BCAM: variants seen among roughly 807,000 people sequenced by gnomAD.
The protein encoded by BCAM is basal cell adhesion molecule.
In BCAM, 61 loss-of-function variants were observed where a neutral mutation model predicts 72.4. The ratio of observed to expected loss-of-function variants is 0.84; its 90% CI spans 0.69 to 1.04. BCAM has a LOEUF of 1.04. BCAM is among the 50% of genes least tolerant of loss of function. The pLI is 0.00. For synonymous variants in BCAM, 408 were observed against 384.2 expected, an observed-to-expected ratio of 1.06 and a Z score of -0.73; for missense variants, 909 against 895.0, an observed-to-expected ratio of 1.02 and a Z score of -0.20.
At position 44,813,336 on chromosome 19, in the gene BCAM, G is replaced by A; in HGVS notation, c.591G>A (p.Glu197=). ...GGCAGCGCCTGGAGGTGCCCGTAGA[G>A]ATGAACCCAGGTGAGCAGCGCAGGA... ...RNGQRLEVPV[E]MNPEGYMTSR... is the part of the protein sequence containing the mutation. Residue 197 remains glutamate (E), a synonymous_variant, in exon 5 of 15, where the codon GAG becomes GAA. Transcript: ENST00000270233. This position sits in a 1 kb window ranked among gnomAD's most constrained non-coding sequence, Gnocchi z 4.2. 2 of 1,613,918 alleles carry A rather than the reference G, an allele frequency of 1.2e-6. No homozygotes were observed. Among genetic ancestry groups the A allele is most frequent in the South Asian group, 1.1e-5 (1 of 91,076 alleles).
chr19:44,820,124 C>T, intron 13 of BCAM: 1 of 1,057,598 alleles, frequency 9.5e-7, no homozygotes, highest in African/African-American at 1.7e-5. Flanking sequence ...CCCTTCAAAC[C>T]ATCCTCAACT....
At position 44,820,909 on chromosome 19, in the gene BCAM, T is replaced by C; in HGVS notation, c.1882-7T>C. 6.4e-7 allele frequency: 1 copy of C among 1,560,226 alleles called. No homozygotes were observed. ...GGCACAGGCTGACCTCTCCATCCGC[T>C]CCCCAGTGCTGAGCCAAGAACCTCC... On this transcript the variant is annotated splice_polypyrimidine_tract_variant and splice_region_variant and intron_variant, in intron 14 of 14. Transcript: ENST00000270233.
At position 44,813,784 on chromosome 19, in the gene BCAM, C is replaced by A; in HGVS notation, c.784+164C>A. 9.7e-7 allele frequency: 1 copy of A among 1,031,954 alleles called. No individual in the cohort carries two copies. 63.9% of individuals were successfully genotyped at this position (1,031,954 alleles called of 1,614,324 possible). Reference sequence around the variant, plus strand: ...CCACTGACCTCTGACCTCAATTGGTCGCACAAGCCCCATCCTGACCTCTGA... The same window carrying A: ...CCACTGACCTCTGACCTCAATTGGTAGCACAAGCCCCATCCTGACCTCTGA... On this transcript the variant is annotated intron_variant, in intron 6 of 14. Transcript: ENST00000270233. This position sits in a 1 kb window ranked among gnomAD's most constrained non-coding sequence, Gnocchi z 4.2.
chr19:44,816,854 G>A (rs993928493), intron 8 of BCAM, among the ~76,000 whole-genome samples: 5 of 152,076 alleles, frequency 3.3e-5, no homozygotes, highest in African/African-American at 1.2e-4. Flanking sequence ...CAGGAGAATC[G>A]CTTGATCCTG....
In BCAM at chr19:44,811,672, G is replaced by A. The variant is rs377176640; in HGVS notation, c.204+326G>A. ...GAGGCCGAGGCGGGTGGATCACGAG[G>A]TCAAGAGATCAAGACTGTCCTGACC... On this transcript the variant is annotated intron_variant, in intron 2 of 14. Transcript: ENST00000270233. 249 of 339,472 alleles carry A rather than the reference G, an allele frequency of 7.3e-4. 1 individual carries two copies. Among genetic ancestry groups the A allele is most frequent in the African/African-American group, 5.0e-3 (237 of 47,180 alleles). 21.0% of individuals were successfully genotyped at this position (339,472 alleles called of 1,614,324 possible).
In BCAM at chr19:44,813,439, G is replaced by C. The variant is rs1453488240; in HGVS notation, c.603G>C (p.Glu201Asp). The C allele has an allele frequency of 5.0e-6, 8 of 1,610,660 alleles. No homozygotes were observed. The highest frequency in any genetic ancestry group is 6.8e-6 in the Non-Finnish European group (8 of 1,179,180). The part of the protein sequence containing the change: ...RLEVPVEMNP[E>D]GYMTSRTVRE... Reference sequence around the variant, plus strand: ...GCCACCTCCCCCGATCTCTCCCAGAGGGCTACATGACCAGCCGCACGGTCC... The same window carrying C: ...GCCACCTCCCCCGATCTCTCCCAGACGGCTACATGACCAGCCGCACGGTCC... The change falls in exon 6 of 15, where the codon GAG (glutamate) becomes GAC (aspartate). Residue 201 changes from glutamate to aspartate, a missense_variant and splice_region_variant. Coordinates refer to ENST00000270233, the MANE Select transcript of BCAM (RefSeq NM_005581.5). This position sits in a 1 kb window ranked among gnomAD's most constrained non-coding sequence, Gnocchi z 4.2.
chr19:44,814,898 T>A lies in BCAM; in HGVS notation c.1078+138T>A, dbSNP rs1157008477. 9.2e-7 allele frequency: 1 copy of A among 1,084,418 alleles called. No homozygotes were observed. The highest frequency in any genetic ancestry group is 1.2e-6 in the Non-Finnish European group (1 of 827,274). The allele number at this position is 1,084,418 out of a possible 1,614,324, so 67.2% of individuals were successfully genotyped here. ...CCCTTTCTCTGCATTTCTTGGGGGT[T>A]TTTTTGGTTGTTTTTTTTTTTTTTT... is the stretch of plus-strand genomic sequence containing the variant. On this transcript the variant is annotated intron_variant, in intron 8 of 14. Coordinates refer to ENST00000270233, the MANE Select transcript of BCAM (RefSeq NM_005581.5). The surrounding 1 kb of genome is among the most constrained non-coding windows in gnomAD (Gnocchi z 4.6).
Position 44,811,227 on chromosome 19 carries a change from GCC to G in BCAM, c.87_88del (p.Gln30GlyfsTer52). ...LAVLLAAHPD[A>X]QAEVRLSVPP... The stretch of plus-strand genomic sequence containing the variant: ...ATAGCTCAGTTGCTCTCTTGCAGAT[GCC>G]CAGGCGGAGGTGCGCTTGTCTGTAC... On this transcript the variant is annotated frameshift_variant, in exon 2 of 15. Transcript: ENST00000270233. LOFTEE classifies it high-confidence loss of function. 6.2e-7 allele frequency: 1 copy of G among 1,611,996 alleles called. No homozygotes were observed.
chr19:44,821,307 T>TCCCCCCCCTCACCCCGCC lies in BCAM; in HGVS notation c.*389_*406dup, dbSNP rs1968589273. On this transcript the variant is annotated 3_prime_UTR_variant, in exon 15 of 15. Transcript: ENST00000270233. ...CTTGCTGCAGAGTCTGACACTGGATTCCCCCCCCTCACCCCGCCCCTGGTC... is the reference window on the plus strand; with the variant it reads ...CTTGCTGCAGAGTCTGACACTGGATTCCCCCCCCTCACCCCGCCCCCCCCCCTCACCCCGCCCCTGGTC... 1 of 194,836 alleles carries TCCCCCCCCTCACCCCGCC rather than the reference T, an allele frequency of 5.1e-6. No homozygotes were observed. Among genetic ancestry groups the TCCCCCCCCTCACCCCGCC allele is most frequent in the Non-Finnish European group, 1.0e-5 (1 of 98,544 alleles). 12.1% of individuals were successfully genotyped at this position (194,836 alleles called of 1,614,324 possible).
At position 44,814,909 on chromosome 19, in the gene BCAM, T is replaced by TG; in HGVS notation, c.1078+149_1078+150insG. ...CATTTCTTGGGGGTTTTTTTGGTTG[T>TG]TTTTTTTTTTTTTTTTTTCCCAGAG... On this transcript the variant is annotated intron_variant, in intron 8 of 14. Transcript: ENST00000270233. The surrounding 1 kb of genome is among the most constrained non-coding windows in gnomAD (Gnocchi z 4.6). 6 of 260,838 alleles carry TG rather than the reference T, an allele frequency of 2.3e-5. No individual in the cohort carries two copies. The highest frequency in any genetic ancestry group is 3.0e-5 in the Non-Finnish European group (5 of 169,370). The allele number at this position is 260,838 out of a possible 1,614,324, so 16.2% of individuals were successfully genotyped here. A position where few individuals can be genotyped will look rare whatever the true frequency, so the allele number is the denominator to read the frequency against.
At chr19:44,817,262 C>T (rs1308572715) in intron 8 of BCAM, among the ~76,000 whole-genome samples, 1 of 152,104 alleles carries the variant, frequency 6.6e-6, no homozygotes, top group Non-Finnish European at 1.5e-5. Context: ...AGAAGAAATG[C>T]AGAGAGCTAC....
rs1189823468 is a variant in BCAM, at chr19:44,813,651, C to G, written c.784+31C>G. Reference sequence around the variant, plus strand: ...TCTGTGCTGGCCTTTGACCTCTGACCTCAGGCTCCACACCTCATGAGGCCT... The same window carrying G: ...TCTGTGCTGGCCTTTGACCTCTGACGTCAGGCTCCACACCTCATGAGGCCT... On this transcript the variant is annotated intron_variant, in intron 6 of 14. Transcript: ENST00000270233. The surrounding 1 kb of genome is among the most constrained non-coding windows in gnomAD (Gnocchi z 4.2). 1.9e-6 allele frequency: 3 copies of G among 1,599,854 alleles called. No homozygotes were observed. The highest frequency in any genetic ancestry group is 2.7e-5 in the African/African-American group (2 of 74,760).
chr19:44,811,339 G>C lies in BCAM; in HGVS notation c.197G>C (p.Trp66Ser), dbSNP rs1055954522. 3.1e-6 allele frequency: 5 copies of C among 1,612,538 alleles called. No homozygotes were observed. The change falls in exon 2 of 15, where the codon TGG becomes TCG. Residue 66 changes from tryptophan to serine, a missense_variant. Trp to Ser is a radical substitution (Grantham distance 177). Coordinates refer to ENST00000270233, the MANE Select transcript of BCAM (RefSeq NM_005581.5). ...ACCCACGACCATTATATGCTGGAAT[G>C]GTTCCTTGTGAGTGCTTGGGGCTGG... The part of the protein sequence containing the change: ...TGTHDHYMLE[W>S]FLTDRSGARP...
At position 44,820,740 on chromosome 19, in the gene BCAM, C is replaced by T. The variant is rs149136008; in HGVS notation, c.1799C>T (p.Ser600Leu). 194 of 1,458,024 alleles carry T rather than the reference C, an allele frequency of 1.3e-4. No homozygotes were observed. The highest frequency in any genetic ancestry group is 1.6e-4 in the Non-Finnish European group (178 of 1,098,254). The allele number at this position is 1,458,024 out of a possible 1,614,324, so 90.3% of individuals were successfully genotyped here. Residue 600 changes from serine (S) to leucine (L), a missense_variant, in exon 14 of 15, where the codon TCG becomes TTG. Ser to Leu is a moderately radical substitution (Grantham distance 145). Coordinates refer to ENST00000270233, the MANE Select transcript of BCAM (RefSeq NM_005581.5). ...GAGCCAGGGCTGAGCCACTCGGGGT[C>T]GGAGCAACCAGAGCAGACCGGCCTT... Reference protein sequence around the residue: ...PGEPGLSHSGSEQPEQTGLLM... With the variant: ...PGEPGLSHSGLEQPEQTGLLM...
At chr19:44,816,912 C>CT (rs1302373165) in intron 8 of BCAM, among the ~76,000 whole-genome samples, 1 of 151,434 alleles carries the variant, frequency 6.6e-6, no homozygotes, top group Non-Finnish European at 1.5e-5. Context: ...GAACTCCAGC[C>CT]TGGGTGACAG....
intron 14 of BCAM, 36 bp from the exon 15 acceptor site, chr19:44,820,880 C>A: frequency 1.9e-6 from 3 of 1,555,284 alleles, no homozygotes; most frequent in East Asian, 2.4e-5. Context: ...GGAGCACGCC[C>A]GTGGGCACAG....
chr19:44,818,813 G>C lies in BCAM; in HGVS notation c.1267G>C (p.Val423Leu), dbSNP rs148674435. The C allele has an allele frequency of 1.2e-6, 2 of 1,614,078 alleles. No homozygotes were observed. Among genetic ancestry groups the C allele is most frequent in the Non-Finnish European group, 1.7e-6 (2 of 1,180,010 alleles). Residue 423 changes from valine (V) to leucine (L), a missense_variant, in exon 10 of 15, where the codon GTA becomes CTA. By Grantham distance (32) the Val-to-Leu change is conservative. Transcript: ENST00000270233. The surrounding 1 kb of genome is among the most constrained non-coding windows in gnomAD (Gnocchi z 4.6). ...SITFDSNGTY[V>L]CEASLPTVPV... The stretch of plus-strand genomic sequence containing the variant: ...CACCTTCGATTCCAATGGCACCTAC[G>C]TATGTGAGGCCTCCCTGCCCACAGT...
At position 44,818,507 on chromosome 19, in the gene BCAM, T is replaced by C. The variant is rs1403771659; in HGVS notation, c.1079-15T>C. 1 of 1,609,786 alleles carries C rather than the reference T, an allele frequency of 6.2e-7. No homozygotes were observed. The highest frequency in any genetic ancestry group is 1.7e-5 in the Admixed American group (1 of 59,830). ...TGGCGGTCTGGGACGAGTGACAGAC[T>C]GTCCCCCACTGCAGATCTGGACCCC... On this transcript the variant is annotated splice_polypyrimidine_tract_variant and intron_variant, in intron 8 of 14. Transcript: ENST00000270233. This position sits in a 1 kb window ranked among gnomAD's most constrained non-coding sequence, Gnocchi z 4.6.
rs534683755 is a variant in BCAM at position 44,809,144 on chromosome 19, C to A, written c.20C>A (p.Pro7Gln). The A allele has an allele frequency of 4.4e-5, 65 of 1,467,318 alleles. No homozygotes were observed. The South Asian group carries it at 7.8e-4, about 18-fold the overall frequency. The allele number at this position is 1,467,318 out of a possible 1,614,324, so 90.9% of individuals were successfully genotyped here. Reference sequence around the variant, plus strand: ...GTGAACATGGAGCCCCCGGACGCACCGGCCCAGGCGCGCGGGGCCCCGCGG... The same window carrying A: ...GTGAACATGGAGCCCCCGGACGCACAGGCCCAGGCGCGCGGGGCCCCGCGG... MEPPDA[P>Q]AQARGAPRLL... The change falls in exon 1 of 15, where the codon CCG (proline) becomes CAG (glutamine). Residue 7 changes from proline to glutamine, a missense_variant. Coordinates refer to ENST00000270233, the MANE Select transcript of BCAM (RefSeq NM_005581.5).
Sources: allele counts gnomAD v4.1 joint callset (sites outside exome capture counted in the v4.1 genomes callset), GRCh38; gene constraint gnomAD v4.1.1; non-coding constraint Gnocchi (gnomAD v3.1); transcripts MANE v1.5; gene names NCBI Gene and HGNC (gene_info 2026-07-23, HGNC 2026-07-21).